LPP: variants seen among roughly 807,000 people sequenced by gnomAD.
The protein encoded by LPP is LIM domain containing preferred translocation partner in lipoma.
Under a neutral mutation model 60.4 loss-of-function variants are expected in LPP, and 38 were observed. The observed-to-expected ratio is 0.63, with a 90% CI of 0.49 to 0.83. The LOEUF (loss-of-function observed/expected upper bound fraction) is 0.83. LPP is among the 40% of genes least tolerant of loss of function. The pLI, the probability that LPP is intolerant of heterozygous loss-of-function variation, is 0.00. For missense variants in LPP, 902 were observed against 783.6 expected, an observed-to-expected ratio of 1.15 and a Z score of -1.80; for synonymous variants, 328 against 290.8, an observed-to-expected ratio of 1.13 and a Z score of -1.30.
chr3:188,697,137 C>A (rs1471017759), intron 7 of LPP, among the ~76,000 whole-genome samples: 1 of 152,122 alleles, frequency 6.6e-6, no homozygotes, highest in African/African-American at 2.4e-5. Context: ...TCAGTGTGAT[C>A]GGTGTGTCTG....
At chr3:188,336,528 A>G (rs1321285324) in intron 2 of LPP, among the ~76,000 whole-genome samples, 1 of 152,158 alleles carries the variant, frequency 6.6e-6, no homozygotes, top group Non-Finnish European at 1.5e-5. Context: ...ACCATGTAGT[A>G]GTGATTCTTG....
At chr3:188,242,442 G>T (rs1022712280) in intron 2 of LPP, among the ~76,000 whole-genome samples, 10 of 152,118 alleles carry the variant, frequency 6.6e-5, no homozygotes, top group Non-Finnish European at 1.3e-4. Flanking sequence ...CATTGAATGG[G>T]AAGGCAGGAG....
intron 6 of LPP, among the ~76,000 whole-genome samples, chr3:188,581,553 A>T (rs1836124413): frequency 6.6e-6 from 1 of 151,966 alleles, no homozygotes; most frequent in Admixed American, 6.6e-5. Flanking sequence ...CCTGGACTTT[A>T]CTCATTGACC....
rs548974245 is a variant in LPP, at chr3:188,885,806, T to C, written c.*11327T>C. On this transcript the variant is annotated 3_prime_UTR_variant, in exon 12 of 12. Coordinates refer to ENST00000617246, the MANE Select transcript of LPP (RefSeq NM_001375462.1). ...CACATCCTCTCCAGCACCTGTTGTT[T>C]CCTGACTTTTTAATGATTGCCATTC... 2 of 152,278 alleles carry C rather than the reference T, an allele frequency of 1.3e-5. No homozygotes were observed. Among genetic ancestry groups the C allele is most frequent in the East Asian group, 3.9e-4 (2 of 5,168 alleles). 9.4% of individuals were successfully genotyped at this position (152,278 alleles called of 1,614,324 possible).
intron 2 of LPP, among the ~76,000 whole-genome samples, chr3:188,307,957 G>C (rs544574537): frequency 1.3e-5 from 2 of 152,284 alleles, no homozygotes; most frequent in African/African-American, 2.4e-5. Flanking sequence ...GTGTGTCTGT[G>C]CGTGTGTGTA....
At chr3:188,462,545 T>TATAC (rs1553904880) in intron 4 of LPP, among the ~76,000 whole-genome samples, 1 of 4,882 alleles carries the variant, frequency 2.0e-4, no homozygotes, top group African/African-American at 4.1e-4. Flanking sequence ...ATATGAGCTT[T>TATAC]ATATATATAT....
intron 2 of LPP, among the ~76,000 whole-genome samples, chr3:188,316,517 G>C (rs1467302380): frequency 1.3e-5 from 2 of 152,194 alleles, no homozygotes; most frequent in African/African-American, 4.8e-5. Context: ...TGCAATAGCA[G>C]AGATCACATG....
At chr3:188,549,899 C>G (rs80195631) in intron 6 of LPP, among the ~76,000 whole-genome samples, 2,547 of 152,270 alleles carry the variant, frequency 0.017, 68 homozygotes, top group African/African-American at 0.054. Flanking sequence ...CAATAAAAGG[C>G]CTTGCTTAGT....
chr3:188,874,249 C>G, intron 11 of LPP, 102 bp from the exon 12 acceptor site: 1 of 1,089,908 alleles, frequency 9.2e-7, no homozygotes, highest in East Asian at 2.4e-5. Flanking sequence ...AGTAAGTGGC[C>G]ACATTATGGA....
At chr3:188,816,899 G>T (rs1165526066) in intron 9 of LPP, among the ~76,000 whole-genome samples, 1 of 152,178 alleles carries the variant, frequency 6.6e-6, no homozygotes, top group African/African-American at 2.4e-5. Context: ...GATCTGAATT[G>T]CTTACAAAAT....
intron 1 of LPP, among the ~76,000 whole-genome samples, chr3:188,168,281 G>A (rs560761618): frequency 1.9e-4 from 29 of 152,330 alleles, no homozygotes; most frequent in South Asian, 6.2e-4. Context: ...ACCCAGGGCC[G>A]TACAGCTTGT....
rs539654977 is a variant in LPP, at chr3:188,797,340, C to T, written c.1410+37058C>T. Among the ~76,000 whole-genome samples the T allele has an allele frequency of 2.6e-5, 4 of 152,202 alleles. No homozygotes were observed. The East Asian group carries it at 7.7e-4, about 29-fold the overall frequency. ...CATAGGTTGAGGGAAGTAATGCATC[C>T]CACACAAGAGGACTGGGATATGTTT... On this transcript the variant is annotated intron_variant, in intron 9 of 11. Transcript: ENST00000617246.
In LPP at chr3:188,657,281, T is replaced by TATATATATATATATATATATA. The variant is rs10529848; in HGVS notation, c.1113+47437_1113+47438insATATATATATATATATATATA. 2.9e-3 allele frequency among the ~76,000 whole-genome samples: 416 copies of TATATATATATATATATATATA among 143,238 alleles called. 1 individual carries two copies. The highest frequency in any genetic ancestry group is 4.4e-3 in the South Asian group (20 of 4,524). 94.0% of individuals were successfully genotyped at this position (143,238 alleles called of 152,430 possible). A position where few individuals can be genotyped will look rare whatever the true frequency, so the allele number is the denominator to read the frequency against. On this transcript the variant is annotated intron_variant, in intron 7 of 11. Transcript: ENST00000617246. ...GTGTATATATATATATATATATATA[T>TATATATATATATATATATATA]TTCCAAAAGCAGATAGTATAGTACA...
At chr3:188,734,818 GAA>G (rs1268407836) in intron 8 of LPP, among the ~76,000 whole-genome samples, 1 of 152,328 alleles carries the variant, frequency 6.6e-6, no homozygotes, top group African/African-American at 2.4e-5. Flanking sequence ...TGCTGAATTT[GAA>G]AAGAGTCCAG....
intron 8 of LPP, among the ~76,000 whole-genome samples, chr3:188,732,715 T>C (rs545467776): frequency 1.3e-4 from 3 of 22,362 alleles, no homozygotes; most frequent in South Asian, 8.3e-4. Flanking sequence ...GAGACTCTTA[T>C]CAAAAAAAAA....
At chr3:188,501,864 C>T (rs1430506947) in intron 5 of LPP, among the ~76,000 whole-genome samples, 2 of 151,848 alleles carry the variant, frequency 1.3e-5, no homozygotes, top group Non-Finnish European at 2.9e-5. Context: ...TTTCAGTGAG[C>T]TGAGGTCGTG....
intron 7 of LPP, among the ~76,000 whole-genome samples, chr3:188,679,933 C>G (rs1458199957): frequency 6.6e-6 from 1 of 152,126 alleles, no homozygotes; most frequent in Non-Finnish European, 1.5e-5. Flanking sequence ...TGCTGCCTTT[C>G]ACAGTCTTTC....
At chr3:188,304,012 C>T (rs893303667) in intron 2 of LPP, among the ~76,000 whole-genome samples, 3 of 152,280 alleles carry the variant, frequency 2.0e-5, no homozygotes, top group Admixed American at 6.5e-5. Flanking sequence ...GAAATCTACC[C>T]TACTTAACTG....
At chr3:188,527,911 G>A (rs1821095402) in intron 6 of LPP, among the ~76,000 whole-genome samples, 1 of 152,096 alleles carries the variant, frequency 6.6e-6, no homozygotes, top group African/African-American at 2.4e-5. Flanking sequence ...TCTGGCTGCA[G>A]TAAATTTGGG....
Sources: gnomAD v4.1 joint callset for allele counts (sites outside exome capture counted in the v4.1 genomes callset) on GRCh38, gnomAD v4.1.1 for gene constraint, MANE v1.5 for transcripts, NCBI Gene and HGNC (gene_info 2026-07-23, HGNC 2026-07-21) for gene names.